Variants in MTX2 observed in about 807,000 individuals in gnomAD.
MTX2 encodes the protein metaxin 2, also known as metaxin-2.
In MTX2, 35 loss-of-function variants were observed where a neutral mutation model predicts 42.3. The observed-to-expected ratio is 0.83, with a 90% CI of 0.63 to 1.10. The LOEUF (loss-of-function observed/expected upper bound fraction) is 1.10, where lower values mean the gene tolerates loss of function less well. Ranked by LOEUF, MTX2 falls within the 50% of genes least tolerant of loss-of-function variation. The pLI, the probability that MTX2 is intolerant of heterozygous loss-of-function variation, is 0.00. For synonymous variants in MTX2, 119 were observed against 100.9 expected (o/e 1.18, Z -1.08); for missense variants, 307 against 304.1 (o/e 1.01, Z -0.07).
intron 1 of MTX2, among the ~76,000 whole-genome samples, chr2:176,274,067 C>T (rs1340514341): frequency 2.0e-5 from 3 of 151,992 alleles, no homozygotes; most frequent in Admixed American, 6.5e-5. Flanking sequence ...CTCTGGGCAC[C>T]GTTTTAACCA....
intron 1 of MTX2, among the ~76,000 whole-genome samples, chr2:176,292,656 G>A (rs1375758934): frequency 1.3e-5 from 2 of 152,144 alleles, no homozygotes; most frequent in African/African-American, 2.4e-5. Flanking sequence ...TGATACCTGC[G>A]TGATTGATTT....
At chr2:176,316,648 C>A (rs547486604) in intron 3 of MTX2, among the ~76,000 whole-genome samples, 1 of 152,246 alleles carries the variant, frequency 6.6e-6, no homozygotes, top group Admixed American at 6.5e-5. Context: ...AGCGATCCAC[C>A]TGCTTCGGCC....
Position 176,269,538 on chromosome 2 carries a change from G to C in MTX2, c.-92G>C. 1.4e-6 allele frequency: 2 copies of C among 1,402,522 alleles called. No homozygotes were observed. Among genetic ancestry groups the C allele is most frequent in the African/African-American group, 1.4e-5 (1 of 69,004 alleles). The allele number at this position is 1,402,522 out of a possible 1,614,324, so 86.9% of individuals were successfully genotyped here. A position where few individuals can be genotyped will look rare whatever the true frequency, so the allele number is the denominator to read the frequency against. Reference sequence around the variant, plus strand: ...CGAGTCTGAACGTTGGCGGGGCTAGGCTCGTTAACTGCCGAGAGCCTCCGG... The same window carrying C: ...CGAGTCTGAACGTTGGCGGGGCTAGCCTCGTTAACTGCCGAGAGCCTCCGG... On this transcript the variant is annotated 5_prime_UTR_variant, in exon 1 of 10. Coordinates refer to ENST00000249442, the MANE Select transcript of MTX2 (RefSeq NM_006554.5).
intron 3 of MTX2, among the ~76,000 whole-genome samples, chr2:176,316,319 AG>A (rs1684437138): frequency 6.6e-6 from 1 of 152,168 alleles, no homozygotes; most frequent in East Asian, 1.9e-4. Flanking sequence ...GAGATTCCAG[AG>A]GAGAAATGTC....
chr2:176,281,918 C>G (rs994348117), intron 1 of MTX2, among the ~76,000 whole-genome samples: 4 of 152,044 alleles, frequency 2.6e-5, no homozygotes, highest in Admixed American at 2.6e-4. Context: ...AAAGGCCTAT[C>G]ATATGGAAAG....
Position 176,295,199 on chromosome 2 carries a change from T to G in MTX2, c.41-1661T>G, listed in dbSNP as rs140874866. The stretch of plus-strand genomic sequence containing the variant: ...TTTATTCTTTGAAATTTTGTGAATT[T>G]TATTACTATGCTTTATTGCTAGTAA... On this transcript the variant is annotated intron_variant, in intron 1 of 9. Coordinates refer to ENST00000249442, the MANE Select transcript of MTX2 (RefSeq NM_006554.5). 6.3e-3 allele frequency among the ~76,000 whole-genome samples: 961 copies of G among 152,292 alleles called. 12 individuals carry two copies. The highest frequency in any genetic ancestry group is 0.022 in the African/African-American group (902 of 41,560).
intron 7 of MTX2, 48 bp downstream of exon 7, chr2:176,328,960 C>A: frequency 1.3e-6 from 2 of 1,486,632 alleles, no homozygotes; most frequent in Non-Finnish European, 1.9e-6. Context: ...AATGAGAAAA[C>A]ACTTTTGCTC....
chr2:176,311,132 A>T (rs1684293635), intron 3 of MTX2, among the ~76,000 whole-genome samples: 1 of 152,050 alleles, frequency 6.6e-6, no homozygotes, highest in Non-Finnish European at 1.5e-5. Context: ...TCTGTTTGTT[A>T]GTTTTCCTTC....
Position 176,269,586 on chromosome 2 carries a change from G to T in MTX2, c.-44G>T, listed in dbSNP as rs768335664. 1.5e-5 allele frequency: 24 copies of T among 1,554,130 alleles called. No homozygotes were observed. The South Asian group carries it at 2.8e-4, about 18-fold the overall frequency. ...CGGGTTTGCGGTGGAGGACGCTGAG[G>T]CCCGTGGGGGGCAGGCACCCGGGCG... On this transcript the variant is annotated 5_prime_UTR_variant, in exon 1 of 10. Coordinates refer to ENST00000249442, the MANE Select transcript of MTX2 (RefSeq NM_006554.5).
intron 3 of MTX2, among the ~76,000 whole-genome samples, chr2:176,315,516 T>C (rs958254226): frequency 1.3e-5 from 2 of 152,178 alleles, no homozygotes; most frequent in Admixed American, 1.3e-4. Flanking sequence ...TTCTCCTGCT[T>C]CAGTGGTTCT....
intron 1 of MTX2, among the ~76,000 whole-genome samples, chr2:176,274,780 G>A (rs940168046): frequency 1.3e-5 from 2 of 152,086 alleles, no homozygotes; most frequent in African/African-American, 2.4e-5. Context: ...GGCCACTTAG[G>A]ATACTCTCCC....
intron 3 of MTX2, among the ~76,000 whole-genome samples, chr2:176,315,707 T>G (rs186214985): frequency 1.3e-5 from 2 of 152,272 alleles, no homozygotes; most frequent in East Asian, 3.9e-4. Context: ...TGATCCCATC[T>G]CTTAGTACTC....
intron 1 of MTX2, chr2:176,270,333 C>A: frequency 7.4e-7 from 1 of 1,350,060 alleles, no homozygotes; most frequent in Non-Finnish European, 9.8e-7. Flanking sequence ...ACCACGCCCG[C>A]GCGGATTCAT....
At position 176,329,308 on chromosome 2, in the gene MTX2, A is replaced by G. The variant is rs1255531403; in HGVS notation, c.425A>G (p.His142Arg). The part of the protein sequence containing the change: ...CDEATVGEIT[H>R]ARYGSPYPWP... ...AAAATCTTTTTACTTTAGATCACTC[A>G]TGCTAGGTATGGATCTCCTTACCCT... Residue 142 changes from histidine (H) to arginine (R), a missense_variant, in exon 8 of 10, where the codon CAT becomes CGT. Physicochemically the swap from His to Arg is conservative, Grantham distance 29. Coordinates refer to ENST00000249442, the MANE Select transcript of MTX2 (RefSeq NM_006554.5). 1 of 1,604,140 alleles carries G rather than the reference A, an allele frequency of 6.2e-7. No individual in the cohort carries two copies. The highest frequency in any genetic ancestry group is 8.5e-7 in the Non-Finnish European group (1 of 1,174,086).
chr2:176,291,802 A>G lies in MTX2; in HGVS notation c.41-5058A>G, dbSNP rs531587350. On this transcript the variant is annotated intron_variant, in intron 1 of 9. Coordinates refer to ENST00000249442, the MANE Select transcript of MTX2 (RefSeq NM_006554.5). The stretch of plus-strand genomic sequence containing the variant: ...TTTTGAGCTGAGATGTGACAATACC[A>G]TAGGAGGATAAAATTGTTCCAGGCA... Among the ~76,000 whole-genome samples the G allele has an allele frequency of 2.0e-5, 3 of 152,216 alleles. No individual in the cohort carries two copies. In the South Asian group the frequency reaches 6.2e-4, roughly 32 times the overall value.
chr2:176,294,974 C>T (rs1175171466), intron 1 of MTX2, among the ~76,000 whole-genome samples: 2 of 152,116 alleles, frequency 1.3e-5, no homozygotes, highest in African/African-American at 4.8e-5. Flanking sequence ...ATTAGAATAT[C>T]CTGTTACCTT....
chr2:176,285,415 A>T (rs1693174164), intron 1 of MTX2, among the ~76,000 whole-genome samples: 1 of 143,112 alleles, frequency 7.0e-6, no homozygotes, highest in South Asian at 2.3e-4. Flanking sequence ...CTATTGCCAC[A>T]ATCTTTTTTT....
intron 3 of MTX2, among the ~76,000 whole-genome samples, chr2:176,303,513 A>T (rs1270962908): frequency 1.3e-5 from 2 of 152,106 alleles, no homozygotes; most frequent in African/African-American, 4.8e-5. Flanking sequence ...TGATTGTCTT[A>T]CATTATTATA....
At chr2:176,333,515 G>T (rs1684908628) in intron 9 of MTX2, among the ~76,000 whole-genome samples, 1 of 151,518 alleles carries the variant, frequency 6.6e-6, no homozygotes, top group Non-Finnish European at 1.5e-5. Flanking sequence ...AATATTATTT[G>T]TACTTCTTAA....
Sources: gnomAD v4.1 joint callset for allele counts (sites outside exome capture counted in the v4.1 genomes callset) on GRCh38, gnomAD v4.1.1 for gene constraint, MANE v1.5 for transcripts, NCBI Gene and HGNC (gene_info 2026-07-23, HGNC 2026-07-21) for gene names.